The following ZNHIT6 variants were observed in gnomAD, a reference collection of about 807,000 sequenced individuals.
The protein encoded by ZNHIT6 is zinc finger HIT-type containing 6.
Under a neutral mutation model 57.2 loss-of-function variants are expected in ZNHIT6, and 45 were observed. That is an observed-to-expected ratio of 0.79 (90% CI 0.62 to 1.01). ZNHIT6 has a LOEUF of 1.01. Among genes scored for constraint, ZNHIT6 ranks in the 50% least tolerant of loss-of-function variants. ZNHIT6 has a pLI of 0.00. For synonymous variants in ZNHIT6, 188 were observed against 190.0 expected, an observed-to-expected ratio of 0.99 and a Z score of 0.09; for missense variants, 528 against 567.3, an observed-to-expected ratio of 0.93 and a Z score of 0.70.
intron 8 of ZNHIT6, among the ~76,000 whole-genome samples, chr1:85,661,878 G>C (rs1661231247): frequency 6.6e-6 from 1 of 152,054 alleles, no homozygotes; most frequent in Non-Finnish European, 1.5e-5. Flanking sequence ...CTTTTCTCTT[G>C]CCCTCTGGGA....
chr1:85,650,946 A>ACAC lies in ZNHIT6; in HGVS notation c.*3111_*3112insGTG, dbSNP rs1171255339. ...CCAACACTAGCACATGGGGAATCTA[A>ACAC]TTTCAACATGAGTTTTGGTAGGAAC... On this transcript the variant is annotated 3_prime_UTR_variant, in exon 10 of 10. Coordinates refer to ENST00000370574, the MANE Select transcript of ZNHIT6 (RefSeq NM_017953.4). 2 of 152,212 alleles carry ACAC rather than the reference A, an allele frequency of 1.3e-5. No homozygotes were observed. Among genetic ancestry groups the ACAC allele is most frequent in the African/African-American group, 2.4e-5 (1 of 41,458 alleles). The allele number at this position is 152,212 out of a possible 1,614,324, so 9.4% of individuals were successfully genotyped here. A position where few individuals can be genotyped will look rare whatever the true frequency, so the allele number is the denominator to read the frequency against.
chr1:85,691,469 A>T (rs2100701491), intron 5 of ZNHIT6, among the ~76,000 whole-genome samples: 1 of 152,370 alleles, frequency 6.6e-6, no homozygotes, highest in South Asian at 2.1e-4. Flanking sequence ...AAATGAGATG[A>T]CAAATTTCAT....
chr1:85,693,551 C>G (rs980334302), intron 5 of ZNHIT6, among the ~76,000 whole-genome samples: 26 of 152,110 alleles, frequency 1.7e-4, no homozygotes, highest in African/African-American at 6.3e-4. Context: ...TAACTTACTA[C>G]TTTTCCAGAA....
chr1:85,670,473 A>C (rs1465670837), intron 8 of ZNHIT6, among the ~76,000 whole-genome samples: 1 of 152,196 alleles, frequency 6.6e-6, no homozygotes, highest in Non-Finnish European at 1.5e-5. Flanking sequence ...ATGAATTAGC[A>C]CACTGATTAA....
intron 8 of ZNHIT6, among the ~76,000 whole-genome samples, chr1:85,675,601 A>G (rs1047354433): frequency 1.3e-5 from 2 of 152,192 alleles, no homozygotes. Context: ...CCCCAGCTGC[A>G]TTAGCCCCTA....
At chr1:85,668,879 G>A (rs560624152) in intron 8 of ZNHIT6, among the ~76,000 whole-genome samples, 15 of 152,242 alleles carry the variant, frequency 9.9e-5, no homozygotes, top group African/African-American at 2.2e-4. Context: ...TAGACATTGT[G>A]TGGGAACCAA....
chr1:85,701,163 G>C (rs990256267), intron 5 of ZNHIT6, among the ~76,000 whole-genome samples: 1 of 152,206 alleles, frequency 6.6e-6, no homozygotes, highest in Admixed American at 6.5e-5. Context: ...TTCTAATTAT[G>C]ATAACAGCTT....
chr1:85,676,196 C>T (rs1661697286), intron 8 of ZNHIT6, among the ~76,000 whole-genome samples: 1 of 151,974 alleles, frequency 6.6e-6, no homozygotes, highest in Admixed American at 6.6e-5. Context: ...ATTAGCCGGG[C>T]GTGGTGGCAC....
chr1:85,690,980 C>T (rs566428394), intron 5 of ZNHIT6, among the ~76,000 whole-genome samples: 3 of 152,074 alleles, frequency 2.0e-5, no homozygotes, highest in Non-Finnish European at 4.4e-5. Context: ...GAGCCGAGAT[C>T]GTGCCACTGC....
At chr1:85,695,969 G>C (rs1662356931) in intron 5 of ZNHIT6, among the ~76,000 whole-genome samples, 1 of 152,140 alleles carries the variant, frequency 6.6e-6, no homozygotes, top group African/African-American at 2.4e-5. Flanking sequence ...CCGGGAGGCA[G>C]AGATTGCAGT....
intron 5 of ZNHIT6, among the ~76,000 whole-genome samples, chr1:85,696,406 A>G (rs1662372164): frequency 1.3e-5 from 2 of 152,024 alleles, no homozygotes; most frequent in Non-Finnish European, 1.5e-5. Context: ...TTCCATGACA[A>G]TACTTCTACG....
intron 5 of ZNHIT6, among the ~76,000 whole-genome samples, chr1:85,700,963 C>T (rs1029350182): frequency 6.6e-6 from 1 of 152,098 alleles, no homozygotes. Context: ...GGTGCCACTG[C>T]ACCTGGCTAA....
At chr1:85,687,824 C>T (rs1662106198) in intron 5 of ZNHIT6, among the ~76,000 whole-genome samples, 2 of 152,150 alleles carry the variant, frequency 1.3e-5, no homozygotes, top group Non-Finnish European at 2.9e-5. Context: ...TCACTAATTA[C>T]ATTAGAAATG....
intron 4 of ZNHIT6, 26 bp downstream of exon 4, chr1:85,706,052 T>C (rs369057507): frequency 4.8e-5 from 74 of 1,557,414 alleles, no homozygotes; most frequent in Non-Finnish European, 6.0e-5. Context: ...GACTTCTAAC[T>C]GGAAGAAATT....
At chr1:85,696,157 C>T (rs747063501) in intron 5 of ZNHIT6, among the ~76,000 whole-genome samples, 4 of 149,648 alleles carry the variant, frequency 2.7e-5, no homozygotes, top group Non-Finnish European at 5.9e-5. Flanking sequence ...TCCAAATAAT[C>T]GCTAATTTAT....
chr1:85,692,719 A>T (rs1169600013), intron 5 of ZNHIT6, among the ~76,000 whole-genome samples: 1 of 8,718 alleles, frequency 1.1e-4, no homozygotes, highest in Non-Finnish European at 8.0e-4. Flanking sequence ...ATACCATGTT[A>T]AAAAAAAAAA....
chr1:85,698,153 G>C lies in ZNHIT6; in HGVS notation c.1019+4004C>G, dbSNP rs542763220. 1.1e-3 allele frequency among the ~76,000 whole-genome samples: 166 copies of C among 152,264 alleles called. 1 individual carries two copies. Among genetic ancestry groups the C allele is most frequent in the African/African-American group, 3.9e-3 (160 of 41,550 alleles). On this transcript the variant is annotated intron_variant, in intron 5 of 9. Coordinates refer to ENST00000370574, the MANE Select transcript of ZNHIT6 (RefSeq NM_017953.4). ...ACTTTATTGATTACAGCTATCCACT[G>C]TGGTACTCCTGCAAATTCCTCTAAA...
At chr1:85,669,983 AG>A (rs1178874999) in intron 8 of ZNHIT6, among the ~76,000 whole-genome samples, 7 of 152,180 alleles carry the variant, frequency 4.6e-5, no homozygotes, top group Non-Finnish European at 8.8e-5. Context: ...ACTTTAGGTC[AG>A]GTTCATGTAT....
Position 85,650,624 on chromosome 1 carries a change from TGGCTGGAA to T in ZNHIT6, c.*3426_*3433del, listed in dbSNP as rs1471126825. 1 of 152,208 alleles carries T rather than the reference TGGCTGGAA, an allele frequency of 6.6e-6. No homozygotes were observed. Among genetic ancestry groups the T allele is most frequent in the Non-Finnish European group, 1.5e-5 (1 of 68,044 alleles). 9.4% of individuals were successfully genotyped at this position (152,208 alleles called of 1,614,324 possible). On this transcript the variant is annotated 3_prime_UTR_variant, in exon 10 of 10. Coordinates refer to ENST00000370574, the MANE Select transcript of ZNHIT6 (RefSeq NM_017953.4). ...AGTTTTATTTGGCTCATGATTCTGGTGGCTGGAAGGCTCAAGATTGGGCAGCTGTATCT... is the reference window on the plus strand; with the variant it reads ...AGTTTTATTTGGCTCATGATTCTGGTGGCTCAAGATTGGGCAGCTGTATCT...
Sources: gnomAD v4.1 joint callset for allele counts (sites outside exome capture counted in the v4.1 genomes callset) on GRCh38, gnomAD v4.1.1 for gene constraint, MANE v1.5 for transcripts, NCBI Gene and HGNC (gene_info 2026-07-23, HGNC 2026-07-21) for gene names.